Variants in SLIT3 observed in about 807,000 individuals in gnomAD.
SLIT3 encodes slit homolog 3 protein.
SLIT3 carries 68 observed loss-of-function variants against 184.0 expected under a neutral mutation model. That is an observed-to-expected ratio of 0.37 (90% CI 0.30 to 0.45). The LOEUF (loss-of-function observed/expected upper bound fraction) is 0.45. SLIT3 is among the 20% of genes least tolerant of loss of function. The pLI is 1.00. For synonymous variants in SLIT3, 831 were observed against 828.6 expected (o/e 1.00, Z -0.05); for missense variants, 1,707 against 2,026.0 (o/e 0.84, Z 3.02).
chr5:169,148,105 GT>G (rs2113361494), intron 4 of SLIT3, among the ~76,000 whole-genome samples: 1 of 152,230 alleles, frequency 6.6e-6, no homozygotes, highest in African/African-American at 2.4e-5. Context: ...CCAATCTCAG[GT>G]CCTCCTTCCA....
rs555820583 is a variant in SLIT3 at position 169,125,788 on chromosome 5, C to T, written c.413+67691G>A. ...CTGGGCATTATCTAATTCCTGCCAA[C>T]GAACGCATTCCTTCCATACCTGTCC... On this transcript the variant is annotated intron_variant, in intron 4 of 35. Coordinates refer to ENST00000519560, the MANE Select transcript of SLIT3 (RefSeq NM_003062.4). Among the ~76,000 whole-genome samples, 51 of 152,320 alleles carry T rather than the reference C, an allele frequency of 3.3e-4. No individual in the cohort carries two copies. The South Asian group carries it at 9.3e-3, about 28-fold the overall frequency.
intron 4 of SLIT3, among the ~76,000 whole-genome samples, chr5:169,139,995 C>T (rs1386834115): frequency 3.9e-5 from 6 of 152,166 alleles, no homozygotes; most frequent in Admixed American, 3.9e-4. Flanking sequence ...CCTGCTGCCA[C>T]CTCTCCAAGG....
chr5:169,141,347 A>G (rs1004397623), intron 4 of SLIT3, among the ~76,000 whole-genome samples: 1 of 151,526 alleles, frequency 6.6e-6, no homozygotes, highest in Non-Finnish European at 1.5e-5. Flanking sequence ...TTTCCTTGCC[A>G]CCTCCCCATC....
chr5:168,755,814 A>C (rs1370654632), intron 16 of SLIT3, among the ~76,000 whole-genome samples: 1 of 152,154 alleles, frequency 6.6e-6, no homozygotes, highest in Non-Finnish European at 1.5e-5. Flanking sequence ...CATCCTGCAC[A>C]GACCTCAAGA....
At chr5:168,762,316 G>GA (rs1755184538) in intron 15 of SLIT3, among the ~76,000 whole-genome samples, 1 of 152,170 alleles carries the variant, frequency 6.6e-6, no homozygotes, top group Admixed American at 6.5e-5. Context: ...TAGGTGTTCA[G>GA]AAAATATGTG....
chr5:168,729,062 G>T lies in SLIT3; in HGVS notation c.2271-4578C>A, dbSNP rs188007801. ...GAAAGAATCTCAGAACTTGAAGACAGGTCTTTTAAAATAATCCAGTCAGAC... is the reference window on the plus strand; with the variant it reads ...GAAAGAATCTCAGAACTTGAAGACATGTCTTTTAAAATAATCCAGTCAGAC... On this transcript the variant is annotated intron_variant, in intron 20 of 35. Transcript: ENST00000519560. 5.3e-5 allele frequency among the ~76,000 whole-genome samples: 8 copies of T among 151,922 alleles called. No individual in the cohort carries two copies. The East Asian group carries it at 1.4e-3, about 26-fold the overall frequency.
intron 1 of SLIT3, among the ~76,000 whole-genome samples, chr5:169,251,794 G>A (rs1765783105): frequency 6.6e-6 from 1 of 152,134 alleles, no homozygotes; most frequent in East Asian, 1.9e-4. Context: ...CTAGGCACTG[G>A]CATCTGATCC....
At chr5:169,240,546 A>ACCTTTCG (rs1475269415) in intron 3 of SLIT3, among the ~76,000 whole-genome samples, 3 of 143,842 alleles carry the variant, frequency 2.1e-5, no homozygotes, top group Non-Finnish European at 4.6e-5. Context: ...AGTGACACTA[A>ACCTTTCG]CCTTTCGGTT....
chr5:169,013,910 C>T (rs11134554), intron 4 of SLIT3, among the ~76,000 whole-genome samples: 42,131 of 152,054 alleles, frequency 0.28, 6,718 homozygotes, highest in East Asian at 0.54. Context: ...GGCCTCTAGG[C>T]TGTTGGTTCC....
At chr5:168,743,186 G>C (rs1299299671) in intron 20 of SLIT3, among the ~76,000 whole-genome samples, 1 of 152,154 alleles carries the variant, frequency 6.6e-6, no homozygotes. Flanking sequence ...TTACATCTGA[G>C]GGTACTGCGT....
At chr5:169,020,506 G>A (rs919405995) in intron 4 of SLIT3, among the ~76,000 whole-genome samples, 1 of 152,154 alleles carries the variant, frequency 6.6e-6, no homozygotes, top group Non-Finnish European at 1.5e-5. Context: ...TACTTGGAAG[G>A]AAGCCACCTA....
At chr5:169,133,780 G>A (rs1397904744) in intron 4 of SLIT3, among the ~76,000 whole-genome samples, 2 of 152,138 alleles carry the variant, frequency 1.3e-5, no homozygotes, top group African/African-American at 4.8e-5. Flanking sequence ...AGAGGTATGG[G>A]AAACAAAACT....
At chr5:168,820,365 C>T (rs1757486596) in intron 7 of SLIT3, among the ~76,000 whole-genome samples, 1 of 152,104 alleles carries the variant, frequency 6.6e-6, no homozygotes, top group African/African-American at 2.4e-5. Context: ...GACACTGGCT[C>T]CGTGCTTTCT....
chr5:169,003,587 G>A (rs1755800535), intron 4 of SLIT3, among the ~76,000 whole-genome samples: 1 of 152,236 alleles, frequency 6.6e-6, no homozygotes, highest in African/African-American at 2.4e-5. Context: ...AGAAGCTGAA[G>A]GAGTGGGCTG....
chr5:169,263,660 C>G (rs140379047), intron 1 of SLIT3: 5,682 of 509,080 alleles, frequency 0.011, 58 homozygotes, highest in Middle Eastern at 0.015. Context: ...CTGGGCGTAT[C>G]TGTGTGCTAG....
intron 29 of SLIT3, among the ~76,000 whole-genome samples, chr5:168,691,053 C>T (rs1167924197): frequency 6.6e-6 from 1 of 152,208 alleles, no homozygotes; most frequent in Non-Finnish European, 1.5e-5. Flanking sequence ...TTTCCTTCCT[C>T]AGAACCCCAG....
intron 4 of SLIT3, among the ~76,000 whole-genome samples, chr5:169,044,070 A>G (rs1023065230): frequency 1.3e-5 from 2 of 152,220 alleles, no homozygotes; most frequent in African/African-American, 2.4e-5. Flanking sequence ...GGCCAAATCA[A>G]TGCACAGAAG....
At chr5:169,295,462 C>T (rs929211157) in intron 1 of SLIT3, among the ~76,000 whole-genome samples, 3 of 152,242 alleles carry the variant, frequency 2.0e-5, no homozygotes, top group Non-Finnish European at 4.4e-5. Flanking sequence ...CCATGAAGAC[C>T]GTGCGCTCAT....
In SLIT3 at chr5:168,753,070, C is replaced by G. The variant is rs1754771579; in HGVS notation, c.1858G>C (p.Val620Leu). ...LMLRSNLIGCVSNDTFAGLSS... is the reference protein window; with the variant it reads ...LMLRSNLIGCLSNDTFAGLSS... The stretch of plus-strand genomic sequence containing the variant: ...AGGCCGGCAAAGGTGTCATTACTCA[C>G]ACAGCCGATCAAGTTACTCCTCAGC... Residue 620 changes from valine to leucine, a missense_variant, in exon 18 of 36, where the codon GTG becomes CTG. Val to Leu is a conservative substitution (Grantham distance 32). This residue lies in a region of SLIT3 where 1,307 missense variants were observed against 1,511.6 expected (regional missense o/e 0.86). Coordinates refer to ENST00000519560, the MANE Select transcript of SLIT3 (RefSeq NM_003062.4). 1 of 1,614,142 alleles carries G rather than the reference C, an allele frequency of 6.2e-7. No homozygotes were observed. Among genetic ancestry groups the G allele is most frequent in the East Asian group, 2.2e-5 (1 of 44,874 alleles).
Sources: allele counts gnomAD v4.1 joint callset (sites outside exome capture counted in the v4.1 genomes callset), GRCh38; gene constraint gnomAD v4.1.1; regional missense constraint gnomAD v4.1.1; transcripts MANE v1.5; gene names NCBI Gene and HGNC (gene_info 2026-07-23, HGNC 2026-07-21).